DGKI: variants seen among roughly 807,000 people sequenced by gnomAD.
DGKI encodes DAG kinase iota.
In DGKI, 55 loss-of-function variants were observed where a neutral mutation model predicts 147.5. The ratio of observed to expected loss-of-function variants is 0.37; its 90% confidence interval spans 0.30 to 0.47. The LOEUF is 0.47. DGKI is among the 20% of genes least tolerant of loss of function. DGKI has a pLI of 1.00. For missense variants in DGKI, 1,007 were observed against 1,323.8 expected, an observed-to-expected ratio of 0.76 and a Z score of 3.71; for synonymous variants, 469 against 477.1, an observed-to-expected ratio of 0.98 and a Z score of 0.22.
intron 2 of DGKI, among the ~76,000 whole-genome samples, chr7:137,684,661 G>T (rs1341444820): frequency 6.6e-6 from 1 of 152,206 alleles, no homozygotes; most frequent in Non-Finnish European, 1.5e-5. Flanking sequence ...AGGTCGATTT[G>T]TCCCTTCATT....
At chr7:137,554,898 A>G (rs940605163) in intron 19 of DGKI, among the ~76,000 whole-genome samples, 1 of 151,616 alleles carries the variant, frequency 6.6e-6, no homozygotes, top group African/African-American at 2.4e-5. Flanking sequence ...AAGAATAGAA[A>G]ACATAAAACT....
In DGKI at chr7:137,623,605, C is replaced by A. The variant is rs372676012; in HGVS notation, c.805-51G>T. 31 of 1,517,654 alleles carry A rather than the reference C, an allele frequency of 2.0e-5. No individual in the cohort carries two copies. In the African/African-American group the frequency reaches 4.0e-4, roughly 19 times the overall value. 94.0% of individuals were successfully genotyped at this position (1,517,654 alleles called of 1,614,324 possible). ...TAATTTAAAACCACCTCAGTTACAG[C>A]GCACATTTGCCCTCCTGAAGTGCAA... On this transcript the variant is annotated intron_variant, in intron 6 of 32. Coordinates refer to ENST00000614521, the MANE Select transcript of DGKI (RefSeq NM_001321708.2).
At chr7:137,391,659 G>A (rs1398835350) in intron 32 of DGKI, among the ~76,000 whole-genome samples, 1 of 152,132 alleles carries the variant, frequency 6.6e-6, no homozygotes, top group African/African-American at 2.4e-5. Context: ...GGAAACAGTG[G>A]GGTAAAGCGA....
At chr7:137,673,899 G>A (rs1192494313) in intron 3 of DGKI, among the ~76,000 whole-genome samples, 1 of 152,202 alleles carries the variant, frequency 6.6e-6, no homozygotes, top group Non-Finnish European at 1.5e-5. Flanking sequence ...CTATCTGGCT[G>A]TGCCCGCTAA....
intron 2 of DGKI, among the ~76,000 whole-genome samples, chr7:137,682,261 C>T (rs920293572): frequency 2.6e-5 from 4 of 152,060 alleles, no homozygotes; most frequent in Non-Finnish European, 5.9e-5. Flanking sequence ...ATGCAGTAGA[C>T]AAATGAACTA....
chr7:137,738,521 T>G (rs1219623195), intron 1 of DGKI, among the ~76,000 whole-genome samples: 1 of 152,122 alleles, frequency 6.6e-6, no homozygotes, highest in Admixed American at 6.6e-5. Flanking sequence ...TAAACTGCAT[T>G]TGTAGGATGT....
intron 32 of DGKI, among the ~76,000 whole-genome samples, chr7:137,394,112 A>C (rs1048292630): frequency 6.6e-6 from 1 of 152,172 alleles, no homozygotes; most frequent in African/African-American, 2.4e-5. Flanking sequence ...TAAGTGGTTC[A>C]TTCTTTCCTG....
At chr7:137,729,809 C>T (rs1794818142) in intron 1 of DGKI, among the ~76,000 whole-genome samples, 1 of 152,046 alleles carries the variant, frequency 6.6e-6, no homozygotes, top group African/African-American at 2.4e-5. Context: ...TGATTATCTC[C>T]TGGGCCTCTA....
intron 1 of DGKI, among the ~76,000 whole-genome samples, chr7:137,813,749 T>C (rs1205610768): frequency 2.0e-5 from 3 of 152,228 alleles, no homozygotes; most frequent in Non-Finnish European, 4.4e-5. Context: ...AAATGCATTT[T>C]TGGCAAGATT....
rs533763842 is a variant in DGKI at position 137,815,047 on chromosome 7, T to C, written c.401+31415A>G. Reference sequence around the variant, plus strand: ...TTACCCAAAAGATCAGCTCTCTTTTTTCTTCCCAGGAAAAAATAAAAAAAA... The same window carrying C: ...TTACCCAAAAGATCAGCTCTCTTTTCTCTTCCCAGGAAAAAATAAAAAAAA... On this transcript the variant is annotated intron_variant, in intron 1 of 32. Coordinates refer to ENST00000614521, the MANE Select transcript of DGKI (RefSeq NM_001321708.2). Among the ~76,000 whole-genome samples the C allele has an allele frequency of 4.1e-4, 63 of 152,210 alleles. 1 individual carries two copies. The South Asian group carries it at 0.013, about 31-fold the overall frequency.
intron 28 of DGKI, among the ~76,000 whole-genome samples, chr7:137,435,885 T>C (rs1813260852): frequency 6.6e-6 from 1 of 152,180 alleles, no homozygotes; most frequent in African/African-American, 2.4e-5. Flanking sequence ...GTTCAAATGC[T>C]TCTCTTCCCT....
intron 18 of DGKI, among the ~76,000 whole-genome samples, chr7:137,572,394 G>A (rs1234227847): frequency 6.6e-6 from 1 of 152,162 alleles, no homozygotes; most frequent in Non-Finnish European, 1.5e-5. Context: ...AGACTGGATG[G>A]TTTTTCAACA....
At chr7:137,581,739 AAC>A in intron 15 of DGKI, 109 bp downstream of exon 15, 1 of 880,906 alleles carries the variant, frequency 1.1e-6, no homozygotes, top group Non-Finnish European at 1.8e-6. Flanking sequence ...AAAATGAAAC[AAC>A]ACTGAAGCAC....
chr7:137,497,067 C>G (rs13340510), intron 21 of DGKI, among the ~76,000 whole-genome samples: 8,660 of 150,372 alleles, frequency 0.058, 819 homozygotes, highest in African/African-American at 0.2. Flanking sequence ...ATCTGACAAA[C>G]GTGTAATATC....
rs939070718 is a variant in DGKI, at chr7:137,719,350, G to A, written c.402-29348C>T. On this transcript the variant is annotated intron_variant, in intron 1 of 32. Transcript: ENST00000614521. Reference sequence around the variant, plus strand: ...TCTTTTAAAACCAGATGATTTTCTCGGTTAGCCTTGCCGCATTTGGTCAAC... The same window carrying A: ...TCTTTTAAAACCAGATGATTTTCTCAGTTAGCCTTGCCGCATTTGGTCAAC... 9.2e-5 allele frequency among the ~76,000 whole-genome samples: 14 copies of A among 151,998 alleles called. 1 individual carries two copies. In the South Asian group the frequency reaches 1.0e-3, roughly 11 times the overall value.
intron 28 of DGKI, among the ~76,000 whole-genome samples, chr7:137,427,115 C>A (rs1812846187): frequency 6.6e-6 from 1 of 151,960 alleles, no homozygotes; most frequent in South Asian, 2.1e-4. Context: ...CAGCACCACC[C>A]CACACCTATT....
At chr7:137,493,619 A>G (rs1308677145) in intron 21 of DGKI, among the ~76,000 whole-genome samples, 1 of 152,186 alleles carries the variant, frequency 6.6e-6, no homozygotes, top group Admixed American at 6.5e-5. Flanking sequence ...ACCTTATACC[A>G]TAATCAAACA....
At chr7:137,818,552 C>T (rs1797804432) in intron 1 of DGKI, among the ~76,000 whole-genome samples, 1 of 152,166 alleles carries the variant, frequency 6.6e-6, no homozygotes, top group Non-Finnish European at 1.5e-5. Context: ...TGGGATTCTC[C>T]TACCTCAGCC....
chr7:137,665,094 T>C (rs576124163), intron 3 of DGKI, among the ~76,000 whole-genome samples: 3 of 152,076 alleles, frequency 2.0e-5, no homozygotes, highest in Non-Finnish European at 4.4e-5. Flanking sequence ...GGAGTAGAGA[T>C]GAGGTCAGAT....
Sources: gnomAD v4.1 joint callset for allele counts (sites outside exome capture counted in the v4.1 genomes callset) on GRCh38, gnomAD v4.1.1 for gene constraint, MANE v1.5 for transcripts, NCBI Gene and HGNC (gene_info 2026-07-23, HGNC 2026-07-21) for gene names.